The following NTRK3 variants were observed in gnomAD, a reference collection of about 807,000 sequenced individuals.
The protein encoded by NTRK3 is NT-3 growth factor receptor.
A neutral mutation model predicts 91.7 loss-of-function variants in NTRK3; 24 were observed. The ratio of observed to expected loss-of-function variants is 0.26; its 90% CI spans 0.19 to 0.37. The LOEUF is 0.37. NTRK3 is among the 10% of genes least tolerant of loss of function. NTRK3 has a pLI of 1.00. For missense variants in NTRK3, 880 were observed against 1,068.9 expected, an observed-to-expected ratio of 0.82 and a Z score of 2.46; for synonymous variants, 483 against 404.0, an observed-to-expected ratio of 1.20 and a Z score of -2.34.
exon 19 of NTRK3, chr15:87,865,963 G>A (rs759133892): frequency 1.3e-4 from 31 of 231,212 alleles, no homozygotes; most frequent in Non-Finnish European, 2.1e-4. Context: ...TCTCAAAAGC[G>A]GCTCTCAGTC....
intron 13 of NTRK3, among the ~76,000 whole-genome samples, chr15:88,081,797 G>A (rs1044474881): frequency 1.3e-5 from 2 of 152,210 alleles, no homozygotes; most frequent in East Asian, 3.9e-4. Flanking sequence ...CAACCTCCAG[G>A]GCCCTGCCAA....
At chr15:88,146,030 T>C (rs1161233347) in intron 6 of NTRK3, among the ~76,000 whole-genome samples, 2 of 152,204 alleles carry the variant, frequency 1.3e-5, no homozygotes, top group East Asian at 3.8e-4. Context: ...AGTGAAGTGA[T>C]AGTAATAATT....
In NTRK3 at chr15:88,055,632, G is replaced by A. The variant is rs376327291; in HGVS notation, c.1397-22587C>T. On this transcript the variant is annotated intron_variant, in intron 13 of 18. Transcript: ENST00000394480. ...ACATAGATAAGGTAGGTGACAAGCC[G>A]CCCTTTCAATCGGTGATGAAACTAA... Among the ~76,000 whole-genome samples the A allele has an allele frequency of 4.8e-3, 726 of 152,134 alleles. 4 individuals carry two copies. Among genetic ancestry groups the A allele is most frequent in the African/African-American group, 0.016 (680 of 41,484 alleles).
At chr15:88,105,865 G>C (rs988724520) in intron 13 of NTRK3, among the ~76,000 whole-genome samples, 9 of 152,230 alleles carry the variant, frequency 5.9e-5, no homozygotes, top group Non-Finnish European at 1.2e-4. Flanking sequence ...CTTCTCACGT[G>C]AGCACCATTC....
rs111540150 is a variant in NTRK3, at chr15:87,891,647, T to C, written c.2134-11219A>G. Among the ~76,000 whole-genome samples, 1,224 of 152,278 alleles carry C rather than the reference T, an allele frequency of 8.0e-3. 19 individuals carry two copies. The highest frequency in any genetic ancestry group is 0.028 in the African/African-American group (1,155 of 41,574). ...TACCATATCTGTTCTGTTCTTGGGT[T>C]TTTTCACTGAAGTTCACTCATTCTT... On this transcript the variant is annotated intron_variant, in intron 17 of 18. Transcript: ENST00000394480.
At chr15:88,156,343 C>G (rs150350749) in intron 5 of NTRK3, among the ~76,000 whole-genome samples, 1 of 152,176 alleles carries the variant, frequency 6.6e-6, no homozygotes, top group African/African-American at 2.4e-5. Context: ...GAACTGGACT[C>G]TTCCAGAATG....
intron 13 of NTRK3, among the ~76,000 whole-genome samples, chr15:88,091,069 G>A (rs537104542): frequency 6.6e-6 from 1 of 152,312 alleles, no homozygotes; most frequent in East Asian, 1.9e-4. Context: ...GAAAGTCAGG[G>A]GCTAGGGGAG....
chr15:88,126,736 A>G (rs530058455), intron 12 of NTRK3, among the ~76,000 whole-genome samples: 1 of 152,342 alleles, frequency 6.6e-6, no homozygotes, highest in East Asian at 1.9e-4. Context: ...ATTCTTATCC[A>G]GGAAAGTCGA....
At chr15:87,929,719 A>G (rs2068629587) in intron 16 of NTRK3, among the ~76,000 whole-genome samples, 1 of 152,222 alleles carries the variant, frequency 6.6e-6, no homozygotes, top group African/African-American at 2.4e-5. Flanking sequence ...TAGGATTTTC[A>G]CAGGTGCTAG....
intron 13 of NTRK3, among the ~76,000 whole-genome samples, chr15:88,088,448 G>T (rs1351071234): frequency 6.6e-6 from 1 of 152,170 alleles, no homozygotes; most frequent in Non-Finnish European, 1.5e-5. Context: ...ACCAGAATGA[G>T]CAACAAGGAG....
intron 13 of NTRK3, among the ~76,000 whole-genome samples, chr15:88,114,764 G>A (rs1434244802): frequency 1.3e-5 from 2 of 152,190 alleles, no homozygotes; most frequent in African/African-American, 4.8e-5. Context: ...GGAAGGGACT[G>A]AAACTAACAT....
chr15:88,214,085 GAA>G (rs60504271), intron 3 of NTRK3, among the ~76,000 whole-genome samples: 5,850 of 150,542 alleles, frequency 0.039, 413 homozygotes, highest in African/African-American at 0.14. Flanking sequence ...TCTCAAAAAA[GAA>G]AAAAAAAACA....
At chr15:88,022,023 C>T (rs2077632228) in intron 14 of NTRK3, among the ~76,000 whole-genome samples, 1 of 152,218 alleles carries the variant, frequency 6.6e-6, no homozygotes, top group South Asian at 2.1e-4. Context: ...ACCCTAAGCC[C>T]TTCCCTTACC....
intron 17 of NTRK3, among the ~76,000 whole-genome samples, chr15:87,919,301 A>G (rs1407454362): frequency 6.6e-6 from 1 of 152,102 alleles, no homozygotes. Flanking sequence ...AAAAACAAAA[A>G]TGGGAGGGCA....
At chr15:88,146,906 C>T (rs74027770) in intron 6 of NTRK3, among the ~76,000 whole-genome samples, 338 of 152,186 alleles carry the variant, frequency 2.2e-3, no homozygotes, top group African/African-American at 7.8e-3. Flanking sequence ...AGAATCCTCA[C>T]CCATAAAATG....
intron 13 of NTRK3, among the ~76,000 whole-genome samples, chr15:88,091,911 C>CT (rs1388962711): frequency 6.6e-6 from 1 of 152,192 alleles, no homozygotes; most frequent in Non-Finnish European, 1.5e-5. Flanking sequence ...TATCAGAATG[C>CT]AAGTTAGCAA....
chr15:88,135,571 G>C (rs1447898236), intron 9 of NTRK3, among the ~76,000 whole-genome samples, 174 bp from the exon 10 acceptor site: 1 of 152,166 alleles, frequency 6.6e-6, no homozygotes, highest in Non-Finnish European at 1.5e-5. Flanking sequence ...CTGTCTTTAT[G>C]CAAGCTTCCT....
In NTRK3 at chr15:88,226,043, G is replaced by A. The variant is rs542096406; in HGVS notation, c.248+29863C>T. Among the ~76,000 whole-genome samples, 7 of 152,336 alleles carry A rather than the reference G, an allele frequency of 4.6e-5. No homozygotes were observed. The South Asian group carries it at 6.2e-4, about 14-fold the overall frequency. On this transcript the variant is annotated intron_variant, in intron 3 of 18. Transcript: ENST00000394480. Reference sequence around the variant, plus strand: ...TCTGGAAGTCGAGAGAACACTGGATGTGAAGTCAAAGGCATGGTAGGAGTC... The same window carrying A: ...TCTGGAAGTCGAGAGAACACTGGATATGAAGTCAAAGGCATGGTAGGAGTC...
chr15:88,040,801 T>C (rs2079535135), intron 13 of NTRK3, among the ~76,000 whole-genome samples: 1 of 152,176 alleles, frequency 6.6e-6, no homozygotes, highest in African/African-American at 2.4e-5. Context: ...GGAGGGAAAA[T>C]AAAACTGACA....
Sources: gnomAD v4.1 joint callset for allele counts (sites outside exome capture counted in the v4.1 genomes callset) on GRCh38, gnomAD v4.1.1 for gene constraint, MANE v1.5 for transcripts, NCBI Gene and HGNC (gene_info 2026-07-23, HGNC 2026-07-21) for gene names.